ASTN2: variants seen among roughly 807,000 people sequenced by gnomAD.
The protein encoded by ASTN2 is astrotactin 2, also known as astrotactin-2.
A neutral mutation model predicts 139.8 loss-of-function variants in ASTN2; 54 were observed. That is an observed-to-expected ratio of 0.39 (90% CI 0.31 to 0.48). The LOEUF (loss-of-function observed/expected upper bound fraction) is 0.48, where lower values mean the gene tolerates loss of function less well. Ranked by LOEUF, ASTN2 falls within the 20% of genes least tolerant of loss-of-function variation. The pLI, the probability that ASTN2 is intolerant of heterozygous loss-of-function variation, is 0.95. For missense variants in ASTN2, 1,565 were observed against 1,725.1 expected, an observed-to-expected ratio of 0.91 and a Z score of 1.64; for synonymous variants, 756 against 719.5, an observed-to-expected ratio of 1.05 and a Z score of -0.81.
intron 5 of ASTN2, among the ~76,000 whole-genome samples, chr9:117,057,236 T>C (rs1839089040): frequency 6.6e-6 from 1 of 152,170 alleles, no homozygotes. Context: ...ACATCTAAGT[T>C]ATATATCCCT....
chr9:116,732,305 C>T (rs1253504497), intron 14 of ASTN2, among the ~76,000 whole-genome samples: 2 of 152,144 alleles, frequency 1.3e-5, no homozygotes, highest in African/African-American at 4.8e-5. Flanking sequence ...ACAAAAAGTG[C>T]CTGGCCCCCA....
chr9:116,816,128 A>C (rs1372869660), intron 12 of ASTN2, among the ~76,000 whole-genome samples: 1 of 152,086 alleles, frequency 6.6e-6, no homozygotes, highest in African/African-American at 2.4e-5. Context: ...GATGATTCCT[A>C]TCTTTATATG....
intron 20 of ASTN2, among the ~76,000 whole-genome samples, chr9:116,461,082 C>T (rs1435457798): frequency 6.6e-6 from 1 of 152,172 alleles, no homozygotes; most frequent in South Asian, 2.1e-4. Flanking sequence ...AATTTCTCCC[C>T]AGTTCCTTCC....
chr9:116,483,838 G>C (rs1316461636), intron 20 of ASTN2, among the ~76,000 whole-genome samples: 2 of 152,166 alleles, frequency 1.3e-5, no homozygotes, highest in Non-Finnish European at 2.9e-5. Context: ...GCAGAACAGG[G>C]AAGGAATCTG....
intron 16 of ASTN2, among the ~76,000 whole-genome samples, chr9:116,686,183 G>A (rs1227586894): frequency 6.6e-6 from 1 of 152,062 alleles, no homozygotes; most frequent in Non-Finnish European, 1.5e-5. Flanking sequence ...TAAGAGAGTG[G>A]GTTCTCAGAT....
At chr9:116,593,306 G>A (rs1254230778) in intron 19 of ASTN2, among the ~76,000 whole-genome samples, 4 of 152,216 alleles carry the variant, frequency 2.6e-5, no homozygotes, top group Non-Finnish European at 5.9e-5. Context: ...TGGGCCGAAG[G>A]CATGATACAG....
chr9:117,035,375 C>T (rs1388087955), intron 6 of ASTN2, among the ~76,000 whole-genome samples: 1 of 152,090 alleles, frequency 6.6e-6, no homozygotes, highest in Non-Finnish European at 1.5e-5. Flanking sequence ...TTTGTCACCA[C>T]ATTTATGTTA....
intron 17 of ASTN2, among the ~76,000 whole-genome samples, chr9:116,634,740 A>G (rs556490911): frequency 3.0e-4 from 45 of 152,214 alleles, no homozygotes; most frequent in Non-Finnish European, 5.6e-4. Context: ...TGAGAAAACA[A>G]TATGGCACTG....
At chr9:117,357,788 CGTTACTTCTCCT>C (rs1829583149) in intron 1 of ASTN2, among the ~76,000 whole-genome samples, 1 of 152,048 alleles carries the variant, frequency 6.6e-6, no homozygotes, top group African/African-American at 2.4e-5. Flanking sequence ...AATTTACAAA[CGTTACTTCTCCT>C]GTAATTGCTG....
chr9:116,587,248 G>A (rs1854195064), intron 19 of ASTN2, among the ~76,000 whole-genome samples: 1 of 151,364 alleles, frequency 6.6e-6, no homozygotes, highest in African/African-American at 2.4e-5. Context: ...GGCTGAGGCA[G>A]GAGAATTGCT....
intron 3 of ASTN2, among the ~76,000 whole-genome samples, chr9:117,195,325 A>G (rs1462682063): frequency 6.6e-6 from 1 of 152,182 alleles, no homozygotes. Context: ...CATGGCACAT[A>G]CAAAGGGCAT....
chr9:116,686,179 A>C (rs1284855125), intron 16 of ASTN2, among the ~76,000 whole-genome samples: 2 of 152,160 alleles, frequency 1.3e-5, no homozygotes, highest in Admixed American at 1.3e-4. Context: ...AGGTTAAGAG[A>C]GTGGGTTCTC....
intron 13 of ASTN2, among the ~76,000 whole-genome samples, chr9:116,783,003 C>T (rs1281138657): frequency 6.6e-6 from 1 of 151,988 alleles, no homozygotes; most frequent in Non-Finnish European, 1.5e-5. Context: ...TCATGTGATC[C>T]AGGGGACTTT....
Position 117,214,346 on chromosome 9 carries a change from T to TG in ASTN2, c.1015+11dup, listed in dbSNP as rs1304807649. On this transcript the variant is annotated intron_variant, in intron 3 of 22. Transcript: ENST00000313400. ...GCCCCCTGGAAAATGGGCTGTGACATGGAGGACTCACCTTTCTTCTCAAAG... is the reference window on the plus strand; with the variant it reads ...GCCCCCTGGAAAATGGGCTGTGACATGGGAGGACTCACCTTTCTTCTCAAAG... The TG allele has an allele frequency of 6.4e-7, 1 of 1,566,372 alleles. No individual in the cohort carries two copies. The highest frequency in any genetic ancestry group is 1.7e-5 in the Admixed American group (1 of 59,024).
At chr9:116,559,522 T>C (rs1421917153) in intron 19 of ASTN2, among the ~76,000 whole-genome samples, 1 of 152,200 alleles carries the variant, frequency 6.6e-6, no homozygotes, top group Non-Finnish European at 1.5e-5. Context: ...TGTATGTACA[T>C]GTCTAACTGC....
chr9:116,872,008 AGGCTGGAGTGCAGT>A (rs1833179450), intron 10 of ASTN2, among the ~76,000 whole-genome samples: 1 of 152,150 alleles, frequency 6.6e-6, no homozygotes, highest in African/African-American at 2.4e-5. Flanking sequence ...TCTCTCACCC[AGGCTGGAGTGCAGT>A]GGCGCGATCT....
intron 13 of ASTN2, among the ~76,000 whole-genome samples, chr9:116,747,221 C>T (rs1186936888): frequency 6.6e-6 from 1 of 152,176 alleles, no homozygotes; most frequent in Non-Finnish European, 1.5e-5. Context: ...CACTCTTGTT[C>T]TACTTTTATA....
At chr9:117,294,375 C>T (rs151275404) in intron 1 of ASTN2, among the ~76,000 whole-genome samples, 13 of 152,304 alleles carry the variant, frequency 8.5e-5, no homozygotes, top group Non-Finnish European at 1.8e-4. Context: ...TAACTCCGGA[C>T]TTACTTTATT....
At chr9:117,057,548 A>C (rs1450481079) in intron 5 of ASTN2, among the ~76,000 whole-genome samples, 1 of 152,202 alleles carries the variant, frequency 6.6e-6, no homozygotes, top group African/African-American at 2.4e-5. Context: ...TAGAAACCCT[A>C]CTAAATTTTA....
Sources: allele counts gnomAD v4.1 joint callset (sites outside exome capture counted in the v4.1 genomes callset), GRCh38; gene constraint gnomAD v4.1.1; transcripts MANE v1.5; gene names NCBI Gene and HGNC (gene_info 2026-07-23, HGNC 2026-07-21).